The following PCDHGA4 variants were observed in gnomAD, a reference collection of about 807,000 sequenced individuals.
The protein encoded by PCDHGA4 is protocadherin gamma subfamily A, 4.
A neutral mutation model predicts 54.6 loss-of-function variants in PCDHGA4; 38 were observed. The ratio of observed to expected loss-of-function variants is 0.70; its 90% CI spans 0.54 to 0.91. The LOEUF is 0.91. Among genes scored for constraint, PCDHGA4 ranks in the 40% least tolerant of loss-of-function variants. PCDHGA4 has a pLI of 0.00. For missense variants in PCDHGA4, 1,298 were observed against 1,220.9 expected (o/e 1.06, Z -0.94); for synonymous variants, 511 against 512.9 (o/e 1.00, Z 0.05).
At chr5:141,430,991 A>T (rs2097333608) in intron 1 of PCDHGA4, 1 of 1,613,980 alleles carries the variant, frequency 6.2e-7, no homozygotes, top group African/African-American at 1.3e-5. Context: ...TTTCGCCCTG[A>T]ATCCGCGCAG....
intron 1 of PCDHGA4, chr5:141,379,708 G>T (rs1048011684): frequency 2.0e-5 from 3 of 151,950 alleles, no homozygotes; most frequent in Non-Finnish European, 2.9e-5. Flanking sequence ...AAACATCCTG[G>T]CAGTCATGGA....
At chr5:141,408,211 G>C in intron 1 of PCDHGA4, 1 of 1,554,426 alleles carries the variant, frequency 6.4e-7, no homozygotes, top group Non-Finnish European at 8.7e-7. Context: ...CGATGGGAGG[G>C]AGCTGCGCGC....
intron 1 of PCDHGA4, chr5:141,365,772 G>T (rs373332121): frequency 1.1e-5 from 18 of 1,613,758 alleles, no homozygotes; most frequent in Admixed American, 3.3e-5. Flanking sequence ...GACCCCGACA[G>T]CGGCGACAAC....
At chr5:141,402,765 C>T (rs2150942715) in intron 1 of PCDHGA4, among the ~76,000 whole-genome samples, 1 of 152,322 alleles carries the variant, frequency 6.6e-6, no homozygotes, top group Admixed American at 6.5e-5. Flanking sequence ...ATCAGGACTC[C>T]ATCCGGATTT....
chr5:141,372,122 T>C, intron 1 of PCDHGA4: 1 of 1,613,748 alleles, frequency 6.2e-7, no homozygotes, highest in Non-Finnish European at 8.5e-7. Context: ...CGCTCTTCGA[T>C]ATGGTGCCGC....
At chr5:141,384,448 C>A (rs1780101973) in intron 1 of PCDHGA4, 2 of 1,614,070 alleles carry the variant, frequency 1.2e-6, no homozygotes, top group Non-Finnish European at 1.7e-6. Flanking sequence ...CCTGTACGCG[C>A]TGCAATCCTT....
intron 1 of PCDHGA4, chr5:141,440,448 A>G (rs2098178859): frequency 6.6e-6 from 1 of 152,168 alleles, no homozygotes; most frequent in East Asian, 1.9e-4. Context: ...CGCCATCTCA[A>G]AAAAAATGAA....
At chr5:141,389,719 C>A (rs371194042) in intron 1 of PCDHGA4, 62 of 1,612,570 alleles carry the variant, frequency 3.8e-5, no homozygotes, top group South Asian at 1.1e-5. Flanking sequence ...GCTAGCGAGC[C>A]CGGGCTCTTC....
intron 1 of PCDHGA4, chr5:141,395,876 T>C (rs1175297322): frequency 6.6e-6 from 1 of 152,090 alleles, no homozygotes; most frequent in Non-Finnish European, 1.5e-5. Context: ...AGTATGTGAG[T>C]CAGTGGTCAC....
At chr5:141,386,725 TA>T (rs1200567298) in intron 1 of PCDHGA4, among the ~76,000 whole-genome samples, 3 of 152,182 alleles carry the variant, frequency 2.0e-5, no homozygotes, top group African/African-American at 7.2e-5. Context: ...CCAACAATGT[TA>T]CTGAGGGAAG....
In PCDHGA4 at chr5:141,489,684, T is replaced by C. The variant is rs2099690710; in HGVS notation, c.2515-5123T>C. 1.2e-6 allele frequency: 2 copies of C among 1,614,062 alleles called. No individual in the cohort carries two copies. The highest frequency in any genetic ancestry group is 8.5e-7 in the Non-Finnish European group (1 of 1,180,034). On this transcript the variant is annotated intron_variant, in intron 1 of 3. Coordinates refer to ENST00000571252, the MANE Select transcript of PCDHGA4 (RefSeq NM_018917.4). This position sits in a 1 kb window ranked among gnomAD's most constrained non-coding sequence, Gnocchi z 4.5. ...TGCGCATCTCAGAATCAGCAGCATCTGGGGCACGATTCCCACTGGACAGTG... is the reference window on the plus strand; with the variant it reads ...TGCGCATCTCAGAATCAGCAGCATCCGGGGCACGATTCCCACTGGACAGTG...
At position 141,432,580 on chromosome 5, in the gene PCDHGA4, T is replaced by C. The variant is rs773087131; in HGVS notation, c.2515-62227T>C. 20 of 1,613,202 alleles carry C rather than the reference T, an allele frequency of 1.2e-5. No individual in the cohort carries two copies. The highest frequency in any genetic ancestry group is 4.0e-5 in the African/African-American group (3 of 74,662). On this transcript the variant is annotated intron_variant, in intron 1 of 3. Transcript: ENST00000571252. The surrounding 1 kb of genome is among the most constrained non-coding windows in gnomAD (Gnocchi z 6.0). ...GCCAGAACGCCTGGCTGTCCTACCG[T>C]CTGCTCAAGGCCAGCGAGCCGGGAC... is the stretch of plus-strand genomic sequence containing the variant.
At chr5:141,422,847 C>T (rs1271794821) in intron 1 of PCDHGA4, 2 of 1,614,116 alleles carry the variant, frequency 1.2e-6, no homozygotes, top group Non-Finnish European at 1.7e-6. Context: ...ACAGCGGGGA[C>T]CCGCCCCTCA....
At chr5:141,413,195 G>A (rs771456948) in intron 1 of PCDHGA4, 2 of 1,610,846 alleles carry the variant, frequency 1.2e-6, no homozygotes, top group Admixed American at 1.7e-5. Context: ...CAAAGGAATC[G>A]CTCAAAGGAA....
intron 2 of PCDHGA4, among the ~76,000 whole-genome samples, chr5:141,499,234 A>G (rs1294400331): frequency 6.6e-6 from 1 of 152,008 alleles, no homozygotes; most frequent in Non-Finnish European, 1.5e-5. Flanking sequence ...AGCTGTCCCC[A>G]GCCTCTGCAC....
intron 1 of PCDHGA4, among the ~76,000 whole-genome samples, chr5:141,368,131 T>G (rs1463973609): frequency 6.6e-6 from 1 of 152,198 alleles, no homozygotes; most frequent in Non-Finnish European, 1.5e-5. Flanking sequence ...TTCTTAATCC[T>G]TCAAATTTTG....
At chr5:141,408,791 G>C (rs1260366830) in intron 1 of PCDHGA4, 1 of 1,612,540 alleles carries the variant, frequency 6.2e-7, no homozygotes, top group East Asian at 2.2e-5. Context: ...GTTATCTCTG[G>C]AGAAACTCCT....
Position 141,406,695 on chromosome 5 carries a change from A to T in PCDHGA4, c.2514+49074A>T, listed in dbSNP as rs62378452. Among the ~76,000 whole-genome samples, 1,219 of 152,310 alleles carry T rather than the reference A, an allele frequency of 8.0e-3. 8 individuals are homozygous for T. Among genetic ancestry groups the T allele is most frequent in the Non-Finnish European group, 0.011 (770 of 68,010 alleles). Reference sequence around the variant, plus strand: ...GAATAGTAGGACATTCTTCTTTTCTATAGTATATGCTTGCTCAAGAGAAGT... The same window carrying T: ...GAATAGTAGGACATTCTTCTTTTCTTTAGTATATGCTTGCTCAAGAGAAGT... On this transcript the variant is annotated intron_variant, in intron 1 of 3. Coordinates refer to ENST00000571252, the MANE Select transcript of PCDHGA4 (RefSeq NM_018917.4).
At chr5:141,509,106 A>T (rs1159119530) in intron 3 of PCDHGA4, among the ~76,000 whole-genome samples, 1 of 152,102 alleles carries the variant, frequency 6.6e-6, no homozygotes, top group Non-Finnish European at 1.5e-5. Flanking sequence ...TAGAAACCTG[A>T]GCGCTGGTGC....
Sources: allele counts gnomAD v4.1 joint callset (sites outside exome capture counted in the v4.1 genomes callset), GRCh38; gene constraint gnomAD v4.1.1; non-coding constraint Gnocchi (gnomAD v3.1); transcripts MANE v1.5; gene names NCBI Gene and HGNC (gene_info 2026-07-23, HGNC 2026-07-21).